The following PKNOX2 variants were observed in gnomAD, a reference collection of about 807,000 sequenced individuals.
PKNOX2 encodes the protein PBX/knotted 1 homeobox 2, also known as homeobox protein PKNOX2.
Under a neutral mutation model 53.1 loss-of-function variants are expected in PKNOX2, and 14 were observed. The ratio of observed to expected loss-of-function variants is 0.26; its 90% CI spans 0.17 to 0.41. PKNOX2 has a LOEUF of 0.41. Ranked by LOEUF, PKNOX2 falls within the 10% of genes least tolerant of loss-of-function variation. The pLI is 1.00. For missense variants in PKNOX2, 496 were observed against 602.8 expected, an observed-to-expected ratio of 0.82 and a Z score of 1.85; for synonymous variants, 257 against 242.8, an observed-to-expected ratio of 1.06 and a Z score of -0.54.
rs144326586 is a variant in PKNOX2, at chr11:125,377,763, AAACAACAAAAC to A, written c.228-7777_228-7767del. ...GCTGATGAGCAAAAACAAACAAACA[AAACAACAAAAC>A]AACAACAAAAACGCAAAAGAAAAAA... On this transcript the variant is annotated intron_variant, in intron 5 of 12. Transcript: ENST00000298282. Among the ~76,000 whole-genome samples the A allele has an allele frequency of 1.5e-3, 221 of 152,342 alleles. 1 individual carries two copies. The highest frequency in any genetic ancestry group is 5.2e-3 in the African/African-American group (215 of 41,574).
chr11:125,407,046 T>C (rs1955152957), intron 7 of PKNOX2, among the ~76,000 whole-genome samples: 1 of 151,732 alleles, frequency 6.6e-6, no homozygotes, highest in Admixed American at 6.6e-5. Flanking sequence ...TTGCTTCCTC[T>C]TCCCTGCCCC....
At chr11:125,292,981 C>T (rs567026890) in intron 2 of PKNOX2, among the ~76,000 whole-genome samples, 1 of 152,268 alleles carries the variant, frequency 6.6e-6, no homozygotes, top group East Asian at 1.9e-4. Flanking sequence ...CCTGGACCAC[C>T]TAACCTTGTT....
chr11:125,397,820 A>G, intron 6 of PKNOX2, 54 bp from the exon 7 acceptor site: 4 of 1,534,088 alleles, frequency 2.6e-6, no homozygotes, highest in Non-Finnish European at 3.5e-6. Flanking sequence ...GGGTCCAGGC[A>G]GTGAGGGAAA....
chr11:125,173,035 G>C (rs1955441113), intron 1 of PKNOX2, among the ~76,000 whole-genome samples: 7 of 151,676 alleles, frequency 4.6e-5, no homozygotes, highest in Admixed American at 4.6e-4. Context: ...GTCAGATTCT[G>C]GGTTCTGACC....
At chr11:125,207,926 T>G (rs1013090826) in intron 1 of PKNOX2, among the ~76,000 whole-genome samples, 3 of 152,104 alleles carry the variant, frequency 2.0e-5, no homozygotes, top group Non-Finnish European at 4.4e-5. Context: ...TTTTTTTAAT[T>G]CAACAAATAT....
intron 1 of PKNOX2, among the ~76,000 whole-genome samples, chr11:125,217,545 A>G (rs533095008): frequency 2.6e-5 from 4 of 152,316 alleles, no homozygotes; most frequent in Non-Finnish European, 4.4e-5. Flanking sequence ...GGAAACAGGT[A>G]GAAGCCACCT....
chr11:125,275,688 T>A (rs1946106722), intron 2 of PKNOX2, among the ~76,000 whole-genome samples: 2 of 152,130 alleles, frequency 1.3e-5, no homozygotes. Flanking sequence ...TTTTGGCACC[T>A]GAATGGAGAG....
chr11:125,402,087 C>T (rs917193693), intron 7 of PKNOX2, among the ~76,000 whole-genome samples: 1 of 152,146 alleles, frequency 6.6e-6, no homozygotes, highest in African/African-American at 2.4e-5. Flanking sequence ...ATGGGTTGAG[C>T]GTTTTCCTGC....
intron 2 of PKNOX2, among the ~76,000 whole-genome samples, chr11:125,294,551 G>T (rs531870615): frequency 1.2e-4 from 19 of 152,308 alleles, no homozygotes; most frequent in Non-Finnish European, 2.5e-4. Flanking sequence ...AGGCGGCATG[G>T]CAGGGCATTT....
Position 125,390,172 on chromosome 11 carries a change from C to T in PKNOX2, c.399+4450C>T, listed in dbSNP as rs545460615. 5.8e-4 allele frequency among the ~76,000 whole-genome samples: 88 copies of T among 152,308 alleles called. 5 individuals are homozygous for T. The South Asian group carries it at 0.016, about 28-fold the overall frequency. On this transcript the variant is annotated intron_variant, in intron 6 of 12. Coordinates refer to ENST00000298282, the MANE Select transcript of PKNOX2 (RefSeq NM_001382323.2). ...CATTTATAGAGCACTTACCAGGTGC[C>T]GGGTACCGTTCCAACTGTTTTACAT... is the stretch of plus-strand genomic sequence containing the variant.
intron 1 of PKNOX2, among the ~76,000 whole-genome samples, chr11:125,175,287 A>T (rs1955634454): frequency 6.6e-6 from 1 of 152,168 alleles, no homozygotes; most frequent in African/African-American, 2.4e-5. Context: ...AATCCCAGGC[A>T]GTCCTCCACG....
intron 10 of PKNOX2, among the ~76,000 whole-genome samples, chr11:125,424,161 T>A (rs77142743): frequency 0.015 from 2,220 of 152,094 alleles, 61 homozygotes; most frequent in African/African-American, 0.05. Flanking sequence ...TAGTATCCTA[T>A]TTTTTTGACC....
At chr11:125,392,030 A>C (rs902632536) in intron 6 of PKNOX2, among the ~76,000 whole-genome samples, 3 of 152,240 alleles carry the variant, frequency 2.0e-5, no homozygotes, top group Non-Finnish European at 4.4e-5. Flanking sequence ...ACTAAACACA[A>C]ATATGGGAGC....
At chr11:125,425,284 G>A (rs1424193073) in intron 10 of PKNOX2, among the ~76,000 whole-genome samples, 2 of 152,254 alleles carry the variant, frequency 1.3e-5, no homozygotes, top group African/African-American at 4.8e-5. Flanking sequence ...TCCCATCTCT[G>A]AAGGTCCTTT....
intron 1 of PKNOX2, among the ~76,000 whole-genome samples, chr11:125,196,938 C>T (rs917459662): frequency 6.6e-6 from 1 of 152,194 alleles, no homozygotes; most frequent in Non-Finnish European, 1.5e-5. Flanking sequence ...GAAGAAGGTA[C>T]TTCCCTGGGA....
At position 125,398,053 on chromosome 11, in the gene PKNOX2, T is replaced by G. The variant is rs1444487328; in HGVS notation, c.579T>G (p.Leu193=). The change falls in exon 7 of 13, where the codon CTT becomes CTG. Residue 193 remains leucine, a synonymous_variant. Transcript: ENST00000298282. The part of the protein sequence containing the change: ...PYSPNQPSIN[L]HSQDLLQNSP... ...CCCCCAACCAGCCCTCCATCAACCT[T>G]CACTCACAGGTAACACCCAGAGCTG... is the stretch of plus-strand genomic sequence containing the variant. 1 of 1,611,124 alleles carries G rather than the reference T, an allele frequency of 6.2e-7. No individual in the cohort carries two copies. Among genetic ancestry groups the G allele is most frequent in the Non-Finnish European group, 8.5e-7 (1 of 1,178,528 alleles).
chr11:125,272,925 G>A (rs557762789), intron 2 of PKNOX2, among the ~76,000 whole-genome samples: 23 of 152,328 alleles, frequency 1.5e-4, no homozygotes, highest in South Asian at 8.3e-4. Flanking sequence ...GGGTCTGGCC[G>A]AAGCGCAGGG....
chr11:125,314,020 A>G (rs1335188709), intron 2 of PKNOX2, among the ~76,000 whole-genome samples: 3 of 152,214 alleles, frequency 2.0e-5, no homozygotes, highest in African/African-American at 7.2e-5. Flanking sequence ...AGCACTGGCC[A>G]TTATTATACT....
At chr11:125,236,392 G>A (rs1243905183) in intron 2 of PKNOX2, among the ~76,000 whole-genome samples, 1 of 122,366 alleles carries the variant, frequency 8.2e-6, no homozygotes, top group Non-Finnish European at 1.7e-5. Context: ...GGGGCGGGGG[G>A]TGGGTGGAGG....
Sources: allele counts gnomAD v4.1 joint callset (sites outside exome capture counted in the v4.1 genomes callset), GRCh38; gene constraint gnomAD v4.1.1; transcripts MANE v1.5; gene names NCBI Gene and HGNC (gene_info 2026-07-23, HGNC 2026-07-21).